GRIA1: variants seen among roughly 807,000 people sequenced by gnomAD.
GRIA1 encodes the protein glutamate ionotropic receptor AMPA type subunit 1.
Under a neutral mutation model 99.2 loss-of-function variants are expected in GRIA1, and 31 were observed. The observed-to-expected ratio is 0.31, with a 90% CI of 0.23 to 0.42. The LOEUF (loss-of-function observed/expected upper bound fraction) is 0.42, where lower values mean the gene tolerates loss of function less well. Among genes scored for constraint, GRIA1 ranks in the 10% least tolerant of loss-of-function variants. The probability of loss-of-function intolerance (pLI) is 1.00; values close to 1 mark genes in which losing one functional copy is unlikely to be tolerated. For synonymous variants in GRIA1, 438 were observed against 432.4 expected (o/e 1.01, Z -0.16); for missense variants, 782 against 1,157.5 (o/e 0.68, Z 4.71).
At chr5:153,495,190 G>A (rs2113198683) in intron 2 of GRIA1, among the ~76,000 whole-genome samples, 1 of 152,304 alleles carries the variant, frequency 6.6e-6, no homozygotes, top group East Asian at 1.9e-4. Context: ...AACTTACTGT[G>A]CATCAGAACT....
chr5:153,542,206 C>T (rs1445497038), intron 2 of GRIA1, among the ~76,000 whole-genome samples: 1 of 152,132 alleles, frequency 6.6e-6, no homozygotes, highest in Non-Finnish European at 1.5e-5. Context: ...CCAAACTTTC[C>T]CCATCCAGAA....
intron 11 of GRIA1, among the ~76,000 whole-genome samples, chr5:153,751,417 G>A (rs1762506334): frequency 6.6e-6 from 1 of 152,264 alleles, no homozygotes; most frequent in South Asian, 2.1e-4. Context: ...GAGATTGAGA[G>A]CAGGAGTCAG....
chr5:153,766,416 C>T (rs2149611251), intron 12 of GRIA1, among the ~76,000 whole-genome samples: 1 of 152,308 alleles, frequency 6.6e-6, no homozygotes, highest in South Asian at 2.1e-4. Context: ...ATTCACTTAA[C>T]AATGCTCTCA....
chr5:153,528,652 C>T lies in GRIA1; in HGVS notation c.220+34587C>T, dbSNP rs1462580198. ...GCTAAATGTTTCTTTCTCTTTTCAG[C>T]AACATTTCACTCCTGTGGTTCCTGA... On this transcript the variant is annotated intron_variant, in intron 2 of 15. Coordinates refer to ENST00000285900, the MANE Select transcript of GRIA1 (RefSeq NM_000827.4). Among the ~76,000 whole-genome samples the T allele has an allele frequency of 3.3e-5, 5 of 152,320 alleles. No individual in the cohort carries two copies. The East Asian group carries it at 9.6e-4, about 29-fold the overall frequency.
At chr5:153,612,603 A>G (rs985862866) in intron 2 of GRIA1, among the ~76,000 whole-genome samples, 1 of 152,262 alleles carries the variant, frequency 6.6e-6, no homozygotes, top group African/African-American at 2.4e-5. Flanking sequence ...CAAATCAGGC[A>G]TATGCAAATT....
intron 11 of GRIA1, among the ~76,000 whole-genome samples, chr5:153,716,924 C>A (rs1311286266): frequency 6.6e-6 from 1 of 152,164 alleles, no homozygotes; most frequent in Non-Finnish European, 1.5e-5. Flanking sequence ...ACATTCGTTT[C>A]ACTGTTTTAA....
intron 2 of GRIA1, among the ~76,000 whole-genome samples, chr5:153,593,222 A>G (rs865896363): frequency 7.2e-5 from 11 of 152,210 alleles, no homozygotes; most frequent in Admixed American, 1.3e-4. Context: ...AGCTGACATC[A>G]CGCCACTGCC....
At chr5:153,589,282 G>A (rs1763757089) in intron 2 of GRIA1, among the ~76,000 whole-genome samples, 4 of 152,116 alleles carry the variant, frequency 2.6e-5, no homozygotes, top group Admixed American at 2.6e-4. Flanking sequence ...ATTCTGTGAG[G>A]TGCATCAATT....
rs181894093 is a variant in GRIA1 at position 153,679,121 on chromosome 5, A to G, written c.1029+1960A>G. ...TTTTATTTTGTCTTGGAGCCAAGAT[A>G]TGTGTGTGCCTGCCCTTCATCAGCT... On this transcript the variant is annotated intron_variant, in intron 7 of 15. Transcript: ENST00000285900. Among the ~76,000 whole-genome samples the G allele has an allele frequency of 2.0e-5, 3 of 152,272 alleles. No homozygotes were observed. In the East Asian group the frequency reaches 5.8e-4, roughly 29 times the overall value.
intron 11 of GRIA1, among the ~76,000 whole-genome samples, chr5:153,723,563 C>T (rs1760246223): frequency 6.6e-6 from 1 of 152,224 alleles, no homozygotes; most frequent in South Asian, 2.1e-4. Context: ...TTCCAATGGA[C>T]TTAAAAAACG....
At chr5:153,750,714 G>C (rs914147401) in intron 11 of GRIA1, among the ~76,000 whole-genome samples, 1 of 152,150 alleles carries the variant, frequency 6.6e-6, no homozygotes, top group Admixed American at 6.5e-5. Flanking sequence ...AACTCTGCCA[G>C]CCACTTTGCT....
At chr5:153,790,666 C>A (rs62383439) in intron 13 of GRIA1, among the ~76,000 whole-genome samples, 45,698 of 152,008 alleles carry the variant, frequency 0.3, 7,299 homozygotes, top group Middle Eastern at 0.41. Flanking sequence ...CTTCCTATTT[C>A]TTTGATTATT....
chr5:153,755,085 G>C (rs2149594675), intron 11 of GRIA1, among the ~76,000 whole-genome samples: 1 of 152,274 alleles, frequency 6.6e-6, no homozygotes, highest in South Asian at 2.1e-4. Flanking sequence ...GCCAAACAAA[G>C]AGCAGTATGA....
intron 10 of GRIA1, among the ~76,000 whole-genome samples, chr5:153,699,358 C>T (rs1758345895): frequency 6.6e-6 from 1 of 152,208 alleles, no homozygotes; most frequent in Admixed American, 6.5e-5. Context: ...TTGAGGCAGA[C>T]TGCTGAGTTG....
intron 7 of GRIA1, among the ~76,000 whole-genome samples, chr5:153,681,826 G>A (rs1489344435): frequency 1.3e-5 from 2 of 152,046 alleles, no homozygotes; most frequent in African/African-American, 2.4e-5. Flanking sequence ...ACGAGGTAAG[G>A]AGTTTGAGAC....
At chr5:153,513,449 T>G (rs1477560970) in intron 2 of GRIA1, among the ~76,000 whole-genome samples, 1 of 152,156 alleles carries the variant, frequency 6.6e-6, no homozygotes, top group Non-Finnish European at 1.5e-5. Context: ...GTGGAGGAGA[T>G]GCACGGGGTA....
chr5:153,768,998 G>A (rs1169245479), intron 12 of GRIA1, among the ~76,000 whole-genome samples: 1 of 152,054 alleles, frequency 6.6e-6, no homozygotes, highest in Non-Finnish European at 1.5e-5. Context: ...CCTGACTAAG[G>A]GCCTACCATG....
intron 13 of GRIA1, among the ~76,000 whole-genome samples, chr5:153,784,069 C>A (rs1479734724): frequency 1.3e-5 from 2 of 152,172 alleles, no homozygotes; most frequent in Non-Finnish European, 2.9e-5. Context: ...AAGCACTTTC[C>A]CATCTGTCAC....
At chr5:153,602,094 A>C (rs1005234118) in intron 2 of GRIA1, among the ~76,000 whole-genome samples, 1 of 152,136 alleles carries the variant, frequency 6.6e-6, no homozygotes, top group Non-Finnish European at 1.5e-5. Context: ...TGTTTATTGC[A>C]GCACTATTCA....
Sources: gnomAD v4.1 joint callset for allele counts (sites outside exome capture counted in the v4.1 genomes callset) on GRCh38, gnomAD v4.1.1 for gene constraint, MANE v1.5 for transcripts, NCBI Gene and HGNC (gene_info 2026-07-23, HGNC 2026-07-21) for gene names.